NAV1: variants seen among roughly 807,000 people sequenced by gnomAD.
The protein encoded by NAV1 is neuron navigator 1, also known as pore membrane and/or filament interacting like protein 3.
In NAV1, 18 loss-of-function variants were observed where a neutral mutation model predicts 175.2. The observed-to-expected ratio is 0.10, with a 90% confidence interval of 0.07 to 0.15. NAV1 has a LOEUF of 0.15. Ranked by LOEUF, NAV1 falls within the 10% of genes least tolerant of loss-of-function variation. NAV1 has a pLI of 1.00. For synonymous variants in NAV1, 897 were observed against 978.7 expected (o/e 0.92, Z 1.56); for missense variants, 1,731 against 2,436.6 (o/e 0.71, Z 6.10).
At chr1:201,589,090 C>A (rs6665394) in intron 2 of NAV1, among the ~76,000 whole-genome samples, 4,785 of 152,216 alleles carry the variant, frequency 0.031, 246 homozygotes, top group African/African-American at 0.11. Flanking sequence ...TCAGGTGATC[C>A]ACCCACCTTG....
intron 1 of NAV1, among the ~76,000 whole-genome samples, chr1:201,569,330 C>G (rs997926428): frequency 1.3e-5 from 2 of 152,172 alleles, no homozygotes; most frequent in Non-Finnish European, 2.9e-5. Flanking sequence ...CATGAACTCC[C>G]CTGATGCCAG....
At chr1:201,549,112 T>C (rs973210479) in intron 1 of NAV1, among the ~76,000 whole-genome samples, 1 of 146,866 alleles carries the variant, frequency 6.8e-6, no homozygotes, top group Non-Finnish European at 1.5e-5. Context: ...TCTTTCTTTC[T>C]TTCTTTCTTT....
chr1:201,668,314 C>T (rs7367640), intron 1 of NAV1, among the ~76,000 whole-genome samples: 42,918 of 151,956 alleles, frequency 0.28, 6,360 homozygotes, highest in Admixed American at 0.41. Context: ...TGTACTCAAA[C>T]GGGAGTGAGC....
At chr1:201,783,989 G>T (rs1158996781) in intron 7 of NAV1, 137 bp downstream of exon 11, 4 of 735,068 alleles carry the variant, frequency 5.4e-6, no homozygotes, top group Non-Finnish European at 8.6e-6. Flanking sequence ...AATTTAATTT[G>T]CTTCACAACA....
At chr1:201,678,669 CAA>C (rs1196806128) in intron 1 of NAV1, among the ~76,000 whole-genome samples, 2 of 152,188 alleles carry the variant, frequency 1.3e-5, no homozygotes, top group Non-Finnish European at 2.9e-5. Flanking sequence ...CAGCCTCCAA[CAA>C]AAGAGGCTGC....
chr1:201,541,295 A>C (rs1665507006), intron 1 of NAV1, among the ~76,000 whole-genome samples: 1 of 152,232 alleles, frequency 6.6e-6, no homozygotes, highest in Non-Finnish European at 1.5e-5. Context: ...AGTAGCATTC[A>C]AAGGCCTCCT....
chr1:201,707,455 G>A (rs548846998), intron 1 of NAV1, among the ~76,000 whole-genome samples: 8 of 152,302 alleles, frequency 5.3e-5, no homozygotes, highest in East Asian at 3.9e-4. Context: ...TTCCCAGAGC[G>A]GGAAACTGCA....
chr1:201,615,326 G>A (rs945705780), intron 2 of NAV1, among the ~76,000 whole-genome samples: 10 of 150,410 alleles, frequency 6.6e-5, no homozygotes, highest in African/African-American at 2.0e-4. Flanking sequence ...GTGCAGTAGC[G>A]CGATCTCAGC....
chr1:201,714,542 G>A (rs922653471), intron 2 of NAV1, among the ~76,000 whole-genome samples: 1 of 152,120 alleles, frequency 6.6e-6, no homozygotes, highest in African/African-American at 2.4e-5. Flanking sequence ...GTGGATGGTG[G>A]GGGCTCCAGG....
At chr1:201,540,979 A>G in intron 1 of NAV1, among the ~76,000 whole-genome samples, 1 of 152,116 alleles carries the variant, frequency 6.6e-6, no homozygotes, top group East Asian at 1.9e-4. Flanking sequence ...TTCCAGGTGA[A>G]AGAGAACACC....
chr1:201,685,126 G>A (rs978700879), intron 1 of NAV1, among the ~76,000 whole-genome samples: 2 of 151,748 alleles, frequency 1.3e-5, no homozygotes, highest in African/African-American at 4.8e-5. Context: ...ACAAAAATTA[G>A]CCTGGCATGG....
At chr1:201,778,662 T>G (rs556134392) in intron 3 of NAV1, among the ~76,000 whole-genome samples, 10 of 152,372 alleles carry the variant, frequency 6.6e-5, no homozygotes, top group Middle Eastern at 3.4e-3. Flanking sequence ...TAGTGTGTTC[T>G]AATCCCCATG....
intron 2 of NAV1, among the ~76,000 whole-genome samples, chr1:201,717,642 G>A (rs1243343898): frequency 6.6e-6 from 1 of 152,212 alleles, no homozygotes; most frequent in Non-Finnish European, 1.5e-5. Flanking sequence ...CCCATGTCTG[G>A]TTCCCTGTGT....
At chr1:201,624,336 CT>C (rs1188885818) in intron 1 of NAV1, among the ~76,000 whole-genome samples, 2,460 of 79,496 alleles carry the variant, frequency 0.031, 7 homozygotes, top group East Asian at 0.12. Context: ...GTCAACTACG[CT>C]TTTTTTTTTT....
In NAV1 at chr1:201,648,618, C is replaced by T. The variant is rs1261494550; in HGVS notation, c.-51C>T. On this transcript the variant is annotated 5_prime_UTR_variant, in exon 1 of 30. Coordinates refer to ENST00000367296, the Ensembl canonical transcript of NAV1. The stretch of plus-strand genomic sequence containing the variant: ...CCTGCGCTCCCGCCCCCTGCCCCCT[C>T]CCCCCGTGCCTGCAGACGCGCGGAT... 3 of 1,287,394 alleles carry T rather than the reference C, an allele frequency of 2.3e-6. No homozygotes were observed. Among genetic ancestry groups the T allele is most frequent in the African/African-American group, 1.5e-5 (1 of 64,806 alleles). The allele number at this position is 1,287,394 out of a possible 1,614,324, so 79.7% of individuals were successfully genotyped here.
chr1:201,753,238 T>C (rs570380854), intron 3 of NAV1, among the ~76,000 whole-genome samples: 3 of 152,210 alleles, frequency 2.0e-5, no homozygotes, highest in Non-Finnish European at 4.4e-5. Context: ...CACTGTGGCA[T>C]ACATACTGCA....
intron 3 of NAV1, among the ~76,000 whole-genome samples, chr1:201,728,703 C>T (rs1410687051): frequency 6.6e-6 from 1 of 152,116 alleles, no homozygotes; most frequent in African/African-American, 2.4e-5. Flanking sequence ...TCAAGCAATC[C>T]CCGATCCCCC....
At chr1:201,742,725 G>A (rs927418585) in intron 3 of NAV1, among the ~76,000 whole-genome samples, 9 of 152,092 alleles carry the variant, frequency 5.9e-5, no homozygotes, top group South Asian at 2.1e-4. Flanking sequence ...AGAGGGCTTC[G>A]GCTTGGCACA....
At chr1:201,678,538 T>C (rs1407928033) in intron 1 of NAV1, among the ~76,000 whole-genome samples, 3 of 152,200 alleles carry the variant, frequency 2.0e-5, no homozygotes, top group Non-Finnish European at 4.4e-5. Flanking sequence ...ATTTGAAACC[T>C]GCACTCTTAA....
Sources: allele counts gnomAD v4.1 joint callset (sites outside exome capture counted in the v4.1 genomes callset), GRCh38; gene constraint gnomAD v4.1.1; transcripts MANE v1.5; gene names NCBI Gene and HGNC (gene_info 2026-07-23, HGNC 2026-07-21).